The following SYT14 variants were observed in gnomAD, a reference collection of about 807,000 sequenced individuals.
SYT14 encodes the protein synaptotagmin 14.
A neutral mutation model predicts 74.2 loss-of-function variants in SYT14; 32 were observed. The ratio of observed to expected loss-of-function variants is 0.43; its 90% CI spans 0.33 to 0.58. The LOEUF is 0.58. Among genes scored for constraint, SYT14 ranks in the 20% least tolerant of loss-of-function variants. The pLI is 0.05. For synonymous variants in SYT14, 298 were observed against 337.7 expected, an observed-to-expected ratio of 0.88 and a Z score of 1.29; for missense variants, 791 against 981.8, an observed-to-expected ratio of 0.81 and a Z score of 2.60.
chr1:210,165,542 A>G (rs1206944451), exon 10 of SYT14: 2 of 152,194 alleles, frequency 1.3e-5, no homozygotes, highest in Non-Finnish European at 2.9e-5. Context: ...TGACCCCCTT[A>G]CTACTCTATG....
In SYT14 at chr1:210,164,096, T is replaced by C. The variant is rs1331436947; in HGVS notation, c.*3054T>C. 8.8e-6 allele frequency: 4 copies of C among 452,202 alleles called. No individual in the cohort carries two copies. In the Admixed American group the frequency reaches 9.4e-5, roughly 11 times the overall value. The allele number at this position is 452,202 out of a possible 1,614,324, so 28.0% of individuals were successfully genotyped here. A position where few individuals can be genotyped will look rare whatever the true frequency, so the allele number is the denominator to read the frequency against. On this transcript the variant is annotated 3_prime_UTR_variant, in exon 10 of 10. Transcript: ENST00000637265. ...TTATTGCTGCCCAGTAAACAAAATG[T>C]ATGTCAAATCAGTAAAGAATTTGTT...
intron 2 of SYT14, among the ~76,000 whole-genome samples, chr1:209,992,042 AC>A (rs1408922745): frequency 2.6e-5 from 4 of 152,220 alleles, no homozygotes; most frequent in Non-Finnish European, 5.9e-5. Flanking sequence ...TCAAAAAGAT[AC>A]CTGCACCTGT....
At chr1:210,100,327 C>T (rs577985547) in exon 7 of SYT14, 8 of 1,613,880 alleles carry the variant, frequency 5.0e-6, no homozygotes, top group African/African-American at 1.3e-5. Flanking sequence ...TTATGCAGTT[C>T]GGTTTAGACT....
At chr1:210,059,741 T>C (rs1038413471) in intron 5 of SYT14, among the ~76,000 whole-genome samples, 25 of 152,152 alleles carry the variant, frequency 1.6e-4, no homozygotes, top group Non-Finnish European at 2.9e-4. Flanking sequence ...GTGAAAGATA[T>C]CTCCTTTTCT....
At chr1:210,062,656 T>G (rs1465109157) in intron 5 of SYT14, among the ~76,000 whole-genome samples, 1 of 151,918 alleles carries the variant, frequency 6.6e-6, no homozygotes, top group Non-Finnish European at 1.5e-5. Context: ...TGACATTCTA[T>G]TCTCATGAAT....
chr1:210,079,116 G>A (rs1008830477), intron 5 of SYT14, among the ~76,000 whole-genome samples: 2 of 151,798 alleles, frequency 1.3e-5, no homozygotes, highest in African/African-American at 4.8e-5. Flanking sequence ...TTTTTAGCCT[G>A]AGTAGATGCC....
chr1:209,941,055 G>C (rs893643722), intron 1 of SYT14, among the ~76,000 whole-genome samples: 1 of 152,252 alleles, frequency 6.6e-6, no homozygotes, highest in Non-Finnish European at 1.5e-5. Context: ...TGAACAGATC[G>C]TTTATATCTG....
At chr1:209,978,255 C>T (rs61820392) in intron 2 of SYT14, among the ~76,000 whole-genome samples, 2,543 of 152,126 alleles carry the variant, frequency 0.017, 23 homozygotes, top group Middle Eastern at 0.034. Context: ...TGAGGAGCTG[C>T]GTTCCTTTGG....
chr1:209,995,692 A>G (rs905889004), intron 2 of SYT14, among the ~76,000 whole-genome samples: 6 of 152,134 alleles, frequency 3.9e-5, no homozygotes, highest in African/African-American at 1.4e-4. Flanking sequence ...TTCTTCTCAT[A>G]TGCATACTGA....
exon 10 of SYT14, chr1:210,160,977 T>C: frequency 2.5e-6 from 4 of 1,614,022 alleles, no homozygotes; most frequent in Non-Finnish European, 3.4e-6. Context: ...ACTCAATCAC[T>C]GGACTGAAAT....
intron 7 of SYT14, among the ~76,000 whole-genome samples, chr1:210,121,595 C>T (rs1161194658): frequency 1.3e-5 from 2 of 152,034 alleles, no homozygotes; most frequent in African/African-American, 2.4e-5. Context: ...GAGATTGAGA[C>T]CATCCTGGCT....
intron 8 of SYT14, chr1:210,156,985 C>T (rs947079608): frequency 1.5e-5 from 3 of 200,186 alleles, no homozygotes; most frequent in East Asian, 1.4e-4. Flanking sequence ...TGAGCCACTG[C>T]GCCTGGCCCA....
chr1:210,114,602 A>C (rs1333635866), intron 7 of SYT14, among the ~76,000 whole-genome samples: 1 of 151,300 alleles, frequency 6.6e-6, no homozygotes, highest in Non-Finnish European at 1.5e-5. Context: ...CGGGCCATGA[A>C]CTGGGCTGAG....
intron 2 of SYT14, among the ~76,000 whole-genome samples, chr1:209,993,892 A>G (rs578210221): frequency 1.3e-4 from 20 of 152,302 alleles, no homozygotes; most frequent in African/African-American, 4.8e-4. Context: ...TTGTAGCCCA[A>G]ACTGCAACAC....
intron 5 of SYT14, among the ~76,000 whole-genome samples, chr1:210,026,708 T>C (rs1472903440): frequency 6.6e-6 from 1 of 151,940 alleles, no homozygotes; most frequent in Non-Finnish European, 1.5e-5. Context: ...ATTAATTTTG[T>C]TATCTTAAAA....
chr1:209,990,549 G>GTA, intron 2 of SYT14, among the ~76,000 whole-genome samples: 1,532 of 55,922 alleles, frequency 0.027, 66 homozygotes, highest in Non-Finnish European at 0.054. Context: ...GTATATATAT[G>GTA]TATATATATA....
At chr1:210,010,899 A>T (rs1250225109) in intron 2 of SYT14, among the ~76,000 whole-genome samples, 1 of 152,216 alleles carries the variant, frequency 6.6e-6, no homozygotes, top group Admixed American at 6.5e-5. Context: ...TGATAATAGG[A>T]TCATTGTGAA....
Position 210,096,566 on chromosome 1 carries a change from T to G in SYT14, c.1584+1973T>G, listed in dbSNP as rs562910483. Among the ~76,000 whole-genome samples, 19 of 152,346 alleles carry G rather than the reference T, an allele frequency of 1.2e-4. No homozygotes were observed. In the South Asian group the frequency reaches 3.9e-3, roughly 32 times the overall value. Reference sequence around the variant, plus strand: ...TGCCCATACATCCTGTCTCACTGTCTTCTTTTCCATCAGCATTCCTATTTA... The same window carrying G: ...TGCCCATACATCCTGTCTCACTGTCGTCTTTTCCATCAGCATTCCTATTTA... On this transcript the variant is annotated intron_variant, in intron 6 of 9. Transcript: ENST00000637265.
At chr1:210,147,990 T>C (rs2083075495) in intron 7 of SYT14, among the ~76,000 whole-genome samples, 1 of 152,090 alleles carries the variant, frequency 6.6e-6, no homozygotes, top group Non-Finnish European at 1.5e-5. Context: ...TAGAACTCCA[T>C]GATTGAGGAG....
Sources: allele counts gnomAD v4.1 joint callset (sites outside exome capture counted in the v4.1 genomes callset), GRCh38; gene constraint gnomAD v4.1.1; transcripts MANE v1.5; gene names NCBI Gene and HGNC (gene_info 2026-07-23, HGNC 2026-07-21).